Variants in CHODL observed in about 807,000 individuals in gnomAD.
CHODL encodes the protein chondrolectin.
In CHODL, 29 loss-of-function variants were observed where a neutral mutation model predicts 34.5. The ratio of observed to expected loss-of-function variants is 0.84; its 90% CI spans 0.63 to 1.15. The LOEUF (loss-of-function observed/expected upper bound fraction) is 1.15, where lower values mean the gene tolerates loss of function less well. Among genes scored for constraint, CHODL ranks in the 50% most tolerant of loss-of-function variants. The probability of loss-of-function intolerance (pLI) is 0.00; values close to 1 mark genes in which losing one functional copy is unlikely to be tolerated. For synonymous variants in CHODL, 125 were observed against 116.1 expected (o/e 1.08, Z -0.49); for missense variants, 332 against 332.5 (o/e 1.00, Z 0.01).
chr21:18,114,646 A>C (rs559188374), intron 2 of CHODL: 2 of 152,324 alleles, frequency 1.3e-5, no homozygotes, highest in African/African-American at 4.8e-5. Flanking sequence ...ATGTTGGCCA[A>C]GCTGGTCTCG....
At chr21:18,160,116 C>A (rs2073078536) in intron 2 of CHODL, among the ~76,000 whole-genome samples, 1 of 152,096 alleles carries the variant, frequency 6.6e-6, no homozygotes, top group East Asian at 1.9e-4. Context: ...CTCATTTAAT[C>A]CTTTCAACAA....
intron 1 of CHODL, among the ~76,000 whole-genome samples, chr21:18,016,380 C>T (rs543448653): frequency 7.9e-5 from 12 of 152,038 alleles, no homozygotes; most frequent in South Asian, 2.1e-4. Context: ...CCTGTGGGTG[C>T]GAAGAAGGCA....
chr21:18,171,422 T>A (rs985264662), intron 2 of CHODL, among the ~76,000 whole-genome samples: 29 of 151,004 alleles, frequency 1.9e-4, no homozygotes, highest in African/African-American at 6.3e-4. Context: ...TTAGCCAGGA[T>A]GGTCTCGATC....
intron 1 of CHODL, among the ~76,000 whole-genome samples, chr21:17,969,393 A>G (rs1177434542): frequency 6.6e-6 from 1 of 152,230 alleles, no homozygotes; most frequent in Non-Finnish European, 1.5e-5. Context: ...AGGAGAATAA[A>G]TGCTAACATT....
At chr21:18,109,173 ATTAT>A (rs1469548193) in intron 2 of CHODL, among the ~76,000 whole-genome samples, 4 of 152,256 alleles carry the variant, frequency 2.6e-5, no homozygotes, top group East Asian at 3.9e-4. Context: ...GATGACTTAT[ATTAT>A]TTATTTTTCT....
At chr21:18,260,179 G>T in intron 3 of CHODL, 21 bp from the exon 4 acceptor site, 6 of 1,215,366 alleles carry the variant, frequency 4.9e-6, no homozygotes, top group East Asian at 2.6e-5. Flanking sequence ...TATATATGAT[G>T]GTGGTTCTTA....
intron 2 of CHODL, among the ~76,000 whole-genome samples, chr21:18,093,531 T>C (rs1398335429): frequency 6.6e-6 from 1 of 152,138 alleles, no homozygotes; most frequent in African/African-American, 2.4e-5. Flanking sequence ...CAACACATTT[T>C]CAATAAGTAG....
chr21:18,002,788 C>G (rs538016336), intron 1 of CHODL, among the ~76,000 whole-genome samples: 2 of 152,128 alleles, frequency 1.3e-5, no homozygotes, highest in Non-Finnish European at 2.9e-5. Flanking sequence ...ATTAATGACA[C>G]TGGTGCTTGT....
At chr21:18,034,859 AG>A (rs900270098) in intron 2 of CHODL, among the ~76,000 whole-genome samples, 7 of 152,042 alleles carry the variant, frequency 4.6e-5, no homozygotes, top group African/African-American at 1.7e-4. Flanking sequence ...CTCTTTGACT[AG>A]AGAAGGAGAG....
At chr21:18,132,597 A>C (rs1164626889) in intron 2 of CHODL, among the ~76,000 whole-genome samples, 2 of 152,192 alleles carry the variant, frequency 1.3e-5, no homozygotes, top group Admixed American at 6.5e-5. Flanking sequence ...AGCTAGAAAG[A>C]TCATTTTATC....
intron 2 of CHODL, among the ~76,000 whole-genome samples, chr21:18,210,710 C>T (rs1178114945): frequency 2.0e-5 from 3 of 152,162 alleles, no homozygotes; most frequent in Non-Finnish European, 4.4e-5. Context: ...GGTTAGGCTG[C>T]TATCATTTCT....
chr21:18,156,839 A>G (rs1240843992), intron 2 of CHODL, among the ~76,000 whole-genome samples: 1 of 152,166 alleles, frequency 6.6e-6, no homozygotes, highest in East Asian at 1.9e-4. Flanking sequence ...TTCAGTTAGA[A>G]GATTCGATAG....
chr21:17,950,655 A>G (rs73323207), intron 1 of CHODL, among the ~76,000 whole-genome samples: 3,262 of 152,272 alleles, frequency 0.021, 119 homozygotes, highest in African/African-American at 0.074. Flanking sequence ...ACTTTGGAGC[A>G]ATTGCAGAGA....
intron 1 of CHODL, among the ~76,000 whole-genome samples, chr21:17,917,949 A>G (rs1428958648): frequency 6.6e-6 from 1 of 151,874 alleles, no homozygotes; most frequent in Non-Finnish European, 1.5e-5. Context: ...GAGGTGATGA[A>G]CAATTAGACA....
At chr21:18,132,767 A>T (rs929744220) in intron 2 of CHODL, among the ~76,000 whole-genome samples, 2 of 152,058 alleles carry the variant, frequency 1.3e-5, no homozygotes, top group African/African-American at 4.8e-5. Flanking sequence ...CTGTACTAGA[A>T]ATCTTTTTGT....
chr21:18,090,982 A>G (rs770668225), intron 2 of CHODL, among the ~76,000 whole-genome samples: 1 of 152,166 alleles, frequency 6.6e-6, no homozygotes, highest in Non-Finnish European at 1.5e-5. Flanking sequence ...AGAAACCACC[A>G]CTTCTCCATT....
At chr21:18,131,051 T>C (rs1220071879) in intron 2 of CHODL, among the ~76,000 whole-genome samples, 1 of 152,104 alleles carries the variant, frequency 6.6e-6, no homozygotes, top group Non-Finnish European at 1.5e-5. Flanking sequence ...GTGAGGTCCC[T>C]TTTCTTGGCT....
intron 2 of CHODL, among the ~76,000 whole-genome samples, chr21:18,172,494 C>T (rs1283401427): frequency 5.9e-5 from 9 of 152,058 alleles, no homozygotes; most frequent in Non-Finnish European, 4.4e-5. Flanking sequence ...AGGGTCACTT[C>T]AGAGGTAGAG....
chr21:18,129,541 G>A (rs758151574), intron 2 of CHODL, among the ~76,000 whole-genome samples: 3 of 152,146 alleles, frequency 2.0e-5, no homozygotes, highest in Non-Finnish European at 2.9e-5. Context: ...GACAGTGAGA[G>A]TTCTTGAGTT....
Sources: gnomAD v4.1 joint callset for allele counts (sites outside exome capture counted in the v4.1 genomes callset) on GRCh38, gnomAD v4.1.1 for gene constraint, MANE v1.5 for transcripts, NCBI Gene and HGNC (gene_info 2026-07-23, HGNC 2026-07-21) for gene names.